Variants in GULP1 observed in about 807,000 individuals in gnomAD.
The protein encoded by GULP1 is GULP PTB domain containing engulfment adaptor 1.
A neutral mutation model predicts 40.9 loss-of-function variants in GULP1; 19 were observed. That is an observed-to-expected ratio of 0.46 (90% CI 0.32 to 0.68). The LOEUF (loss-of-function observed/expected upper bound fraction) is 0.68. GULP1 is among the 30% of genes least tolerant of loss of function. The pLI, the probability that GULP1 is intolerant of heterozygous loss-of-function variation, is 0.03. For synonymous variants in GULP1, 119 were observed against 117.6 expected (o/e 1.01, Z -0.08); for missense variants, 312 against 362.2 (o/e 0.86, Z 1.12).
At chr2:188,538,371 GT>G (rs1372972078) in intron 6 of GULP1, among the ~76,000 whole-genome samples, 1 of 151,938 alleles carries the variant, frequency 6.6e-6, no homozygotes, top group East Asian at 1.9e-4. Context: ...CCAGAAGTGA[GT>G]TTTTAAAACT....
At chr2:188,326,619 C>T (rs1338317512) in intron 1 of GULP1, among the ~76,000 whole-genome samples, 1 of 152,062 alleles carries the variant, frequency 6.6e-6, no homozygotes, top group Non-Finnish European at 1.5e-5. Context: ...TCTATGTTGA[C>T]TATATTTGAT....
At chr2:188,569,897 A>C (rs1698660835) in intron 8 of GULP1, 131 bp from the exon 9 acceptor site, 1 of 530,476 alleles carries the variant, frequency 1.9e-6, no homozygotes, top group African/African-American at 2.0e-5. Flanking sequence ...AGCTTTATCA[A>C]ACAATTTTCT....
intron 2 of GULP1, among the ~76,000 whole-genome samples, chr2:188,436,431 G>T (rs1459958733): frequency 6.6e-6 from 1 of 151,990 alleles, no homozygotes; most frequent in African/African-American, 2.4e-5. Flanking sequence ...TAGGTCCTCA[G>T]TCTCTCATCA....
chr2:188,381,592 C>T (rs780202506), intron 1 of GULP1, among the ~76,000 whole-genome samples: 12 of 151,936 alleles, frequency 7.9e-5, no homozygotes, highest in Non-Finnish European at 1.3e-4. Flanking sequence ...TTATTTATCT[C>T]GAATTATTTC....
At chr2:188,464,913 C>T (rs2059993237) in intron 2 of GULP1, among the ~76,000 whole-genome samples, 1 of 152,064 alleles carries the variant, frequency 6.6e-6, no homozygotes, top group Admixed American at 6.5e-5. Context: ...CAGTGGGCTT[C>T]CTCTCTTCCC....
At chr2:188,490,777 A>C (rs901365557) in intron 4 of GULP1, among the ~76,000 whole-genome samples, 2 of 151,998 alleles carry the variant, frequency 1.3e-5, no homozygotes, top group South Asian at 2.1e-4. Context: ...ATATTTCTGC[A>C]TCGATGTGTT....
chr2:188,445,606 A>G lies in GULP1; in HGVS notation c.-44-32053A>G, dbSNP rs527331415. 1.9e-4 allele frequency among the ~76,000 whole-genome samples: 29 copies of G among 152,304 alleles called. 3 individuals carry two copies. In the South Asian group the frequency reaches 6.0e-3, roughly 32 times the overall value. On this transcript the variant is annotated intron_variant, in intron 2 of 11. Coordinates refer to ENST00000409830, the MANE Select transcript of GULP1 (RefSeq NM_016315.4). ...CCACAGACTCTTCTCCAGGTCTGTC[A>G]TGATACCAGATGAGCACAGTACTTC... is the stretch of plus-strand genomic sequence containing the variant.
intron 1 of GULP1, among the ~76,000 whole-genome samples, chr2:188,309,088 TC>T (rs774199811): frequency 2.0e-5 from 3 of 152,170 alleles, no homozygotes; most frequent in African/African-American, 2.4e-5. Context: ...TTGAAATTGT[TC>T]CTTTTCACAG....
intron 9 of GULP1, among the ~76,000 whole-genome samples, chr2:188,570,933 A>G (rs566253031): frequency 3.9e-5 from 6 of 152,092 alleles, no homozygotes; most frequent in African/African-American, 1.4e-4. Flanking sequence ...CAAGGCAGGC[A>G]GATCATTTGA....
chr2:188,496,638 A>T (rs879737013), intron 4 of GULP1, among the ~76,000 whole-genome samples: 2 of 152,010 alleles, frequency 1.3e-5, no homozygotes, highest in Non-Finnish European at 2.9e-5. Flanking sequence ...ATGGTTTTAT[A>T]TGCTTGTGTG....
chr2:188,336,422 G>A (rs541776538), intron 1 of GULP1, among the ~76,000 whole-genome samples: 29 of 152,282 alleles, frequency 1.9e-4, no homozygotes, highest in African/African-American at 6.7e-4. Flanking sequence ...CCTGCTATGA[G>A]CCAGATACTG....
At chr2:188,408,570 T>C (rs905049040) in intron 2 of GULP1, among the ~76,000 whole-genome samples, 2 of 152,170 alleles carry the variant, frequency 1.3e-5, no homozygotes, top group African/African-American at 2.4e-5. Context: ...ACAATAATAT[T>C]AGGGGACTTT....
chr2:188,301,552 A>G (rs1299847346), intron 1 of GULP1, among the ~76,000 whole-genome samples: 1 of 152,164 alleles, frequency 6.6e-6, no homozygotes, highest in Non-Finnish European at 1.5e-5. Flanking sequence ...TCTTTCCCAC[A>G]TAACTCAGGG....
chr2:188,514,633 T>C (rs1443115436), intron 4 of GULP1, among the ~76,000 whole-genome samples: 5 of 152,180 alleles, frequency 3.3e-5, no homozygotes, highest in Non-Finnish European at 7.3e-5. Flanking sequence ...TTTTTCATCA[T>C]TGCTAATTTT....
chr2:188,428,983 A>T (rs2056552090), intron 2 of GULP1, among the ~76,000 whole-genome samples: 1 of 152,134 alleles, frequency 6.6e-6, no homozygotes, highest in South Asian at 2.1e-4. Flanking sequence ...CAGGAAAAGG[A>T]TACTCACAGG....
chr2:188,469,515 G>A (rs753491544), intron 2 of GULP1, among the ~76,000 whole-genome samples: 7 of 152,114 alleles, frequency 4.6e-5, no homozygotes, highest in Non-Finnish European at 7.4e-5. Context: ...CTTCTGGGGA[G>A]GCTTCAGGAA....
In GULP1 at chr2:188,305,946, T is replaced by G. The variant is rs565895030; in HGVS notation, c.-172+13780T>G. Among the ~76,000 whole-genome samples, 4 of 152,050 alleles carry G rather than the reference T, an allele frequency of 2.6e-5. No individual in the cohort carries two copies. The South Asian group carries it at 8.3e-4, about 32-fold the overall frequency. On this transcript the variant is annotated intron_variant, in intron 1 of 11. Coordinates refer to ENST00000409830, the MANE Select transcript of GULP1 (RefSeq NM_016315.4). The stretch of plus-strand genomic sequence containing the variant: ...GCATGTGCCACTGCGCCTGGCTAAT[T>G]TTTGTATTTTTAGTAGAGACGGGGT...
chr2:188,566,019 G>A (rs1697569464), intron 7 of GULP1, among the ~76,000 whole-genome samples: 1 of 152,098 alleles, frequency 6.6e-6, no homozygotes, highest in South Asian at 2.1e-4. Flanking sequence ...TAATAGATGA[G>A]ATTTGACTGA....
chr2:188,493,630 C>G (rs1232934945), intron 4 of GULP1, among the ~76,000 whole-genome samples: 1 of 152,022 alleles, frequency 6.6e-6, no homozygotes, highest in Non-Finnish European at 1.5e-5. Flanking sequence ...AACATAAGGA[C>G]AAATCCCCAA....
Sources: gnomAD v4.1 joint callset for allele counts (sites outside exome capture counted in the v4.1 genomes callset) on GRCh38, gnomAD v4.1.1 for gene constraint, MANE v1.5 for transcripts, NCBI Gene and HGNC (gene_info 2026-07-23, HGNC 2026-07-21) for gene names.